Variants in SORCS2 observed in about 807,000 individuals in gnomAD.
SORCS2 encodes the protein VPS10 domain-containing receptor SorCS2.
A neutral mutation model predicts 141.6 loss-of-function variants in SORCS2; 100 were observed. That is an observed-to-expected ratio of 0.71 (90% confidence interval 0.60 to 0.83). SORCS2 has a LOEUF of 0.83. SORCS2 is among the 40% of genes least tolerant of loss of function. The pLI, the probability that SORCS2 is intolerant of heterozygous loss-of-function variation, is 0.00. For synonymous variants in SORCS2, 789 were observed against 676.9 expected, an observed-to-expected ratio of 1.17 and a Z score of -2.57; for missense variants, 1,646 against 1,560.2, an observed-to-expected ratio of 1.05 and a Z score of -0.93.
intron 3 of SORCS2, among the ~76,000 whole-genome samples, chr4:7,610,586 G>A (rs1488415776): frequency 6.6e-6 from 1 of 152,218 alleles, no homozygotes; most frequent in Non-Finnish European, 1.5e-5. Context: ...CCTGGGGTGG[G>A]GCTTGGGGGG....
chr4:7,490,945 C>T (rs1215306494), intron 2 of SORCS2, among the ~76,000 whole-genome samples: 1 of 152,174 alleles, frequency 6.6e-6, no homozygotes, highest in African/African-American at 2.4e-5. Flanking sequence ...GCAAAGGCTC[C>T]ACAAAGGCTG....
intron 2 of SORCS2, among the ~76,000 whole-genome samples, chr4:7,398,428 G>A (rs1049723723): frequency 6.6e-6 from 1 of 152,214 alleles, no homozygotes; most frequent in Non-Finnish European, 1.5e-5. Flanking sequence ...AGAACAGTAC[G>A]TGATCTAAAT....
At chr4:7,590,520 G>C (rs1290530613) in intron 3 of SORCS2, among the ~76,000 whole-genome samples, 2 of 152,216 alleles carry the variant, frequency 1.3e-5, no homozygotes, top group Non-Finnish European at 2.9e-5. Context: ...AGCCGGGCTG[G>C]GACGTTGGGT....
At chr4:7,722,922 G>T (rs958347000) in intron 18 of SORCS2, among the ~76,000 whole-genome samples, 14 of 152,146 alleles carry the variant, frequency 9.2e-5, no homozygotes, top group Admixed American at 4.6e-4. Context: ...GTTTCCTCGT[G>T]CCCCTGGTGC....
chr4:7,491,775 A>C (rs1731329489), intron 2 of SORCS2, among the ~76,000 whole-genome samples: 1 of 151,858 alleles, frequency 6.6e-6, no homozygotes, highest in Non-Finnish European at 1.5e-5. Context: ...CTTGATCCCC[A>C]TTTGTTGGGT....
chr4:7,612,952 G>A (rs1289157556), intron 3 of SORCS2, among the ~76,000 whole-genome samples: 1 of 118,636 alleles, frequency 8.4e-6, no homozygotes, highest in Non-Finnish European at 1.9e-5. Flanking sequence ...GCCGGGCAAG[G>A]GCCAAGGCCA....
chr4:7,620,691 G>A (rs1241872133), intron 3 of SORCS2, among the ~76,000 whole-genome samples: 1 of 152,260 alleles, frequency 6.6e-6, no homozygotes, highest in Non-Finnish European at 1.5e-5. Context: ...GGTTTGTGCA[G>A]CTCCCCATAG....
intron 3 of SORCS2, among the ~76,000 whole-genome samples, chr4:7,584,595 T>C (rs1716406628): frequency 6.6e-6 from 1 of 152,196 alleles, no homozygotes; most frequent in South Asian, 2.1e-4. Context: ...GTCTCTCTAC[T>C]ACTCTCACTC....
chr4:7,736,084 C>T (rs1419387424), intron 25 of SORCS2, among the ~76,000 whole-genome samples: 6 of 152,388 alleles, frequency 3.9e-5, no homozygotes, highest in Middle Eastern at 3.4e-3. Flanking sequence ...GAGCAACGCC[C>T]GTTTGTCCCC....
At chr4:7,209,075 A>C (rs4234795) in intron 1 of SORCS2, among the ~76,000 whole-genome samples, 1 of 152,178 alleles carries the variant, frequency 6.6e-6, no homozygotes, top group Admixed American at 6.5e-5. Flanking sequence ...TGCAAGCTGC[A>C]GACCTCGTGA....
intron 2 of SORCS2, among the ~76,000 whole-genome samples, chr4:7,466,005 G>T (rs1176406637): frequency 6.6e-6 from 1 of 152,182 alleles, no homozygotes; most frequent in African/African-American, 2.4e-5. Flanking sequence ...CAGGTTGATA[G>T]AAATTTTTTA....
At chr4:7,483,469 C>G (rs1228324986) in intron 2 of SORCS2, among the ~76,000 whole-genome samples, 2 of 152,106 alleles carry the variant, frequency 1.3e-5, no homozygotes, top group African/African-American at 4.8e-5. Context: ...CAGACTCTGT[C>G]CTGGAGCCTT....
chr4:7,423,278 ATTG>A (rs1464899942), intron 2 of SORCS2, among the ~76,000 whole-genome samples: 2 of 152,156 alleles, frequency 1.3e-5, no homozygotes, highest in East Asian at 1.9e-4. Flanking sequence ...GAACATTATA[ATTG>A]TTATTATTTC....
At chr4:7,714,779 T>C (rs1371265938) in intron 16 of SORCS2, among the ~76,000 whole-genome samples, 1 of 152,142 alleles carries the variant, frequency 6.6e-6, no homozygotes, top group Non-Finnish European at 1.5e-5. Context: ...CACAGGACAA[T>C]TTGGCTAACA....
In SORCS2 at chr4:7,741,564, G is replaced by C. The variant is rs569906922; in HGVS notation, c.*1300G>C. On this transcript the variant is annotated 3_prime_UTR_variant, in exon 27 of 27. Coordinates refer to ENST00000507866, the MANE Select transcript of SORCS2 (RefSeq NM_020777.3). ...GATGACCGTGGCCTCCCTCTCAGAG[G>C]GGGAGAACGCCAGAGCCCTGGCTGG... 50 of 276,042 alleles carry C rather than the reference G, an allele frequency of 1.8e-4. No individual in the cohort carries two copies. Among genetic ancestry groups the C allele is most frequent in the Admixed American group, 4.8e-4 (9 of 18,752 alleles). 17.1% of individuals were successfully genotyped at this position (276,042 alleles called of 1,614,324 possible). A position where few individuals can be genotyped will look rare whatever the true frequency, so the allele number is the denominator to read the frequency against.
intron 2 of SORCS2, among the ~76,000 whole-genome samples, chr4:7,474,393 G>A (rs994075609): frequency 2.0e-5 from 3 of 152,184 alleles, no homozygotes; most frequent in Non-Finnish European, 4.4e-5. Context: ...TCCCTTCAAT[G>A]TCAGGGAGCT....
chr4:7,213,635 G>A (rs1428482915), intron 1 of SORCS2, among the ~76,000 whole-genome samples: 1 of 152,178 alleles, frequency 6.6e-6, no homozygotes, highest in Non-Finnish European at 1.5e-5. Flanking sequence ...CAAGGACCTC[G>A]GGAGCCTCGC....
At chr4:7,427,722 G>A (rs1391157655) in intron 2 of SORCS2, among the ~76,000 whole-genome samples, 1 of 152,096 alleles carries the variant, frequency 6.6e-6, no homozygotes, top group Non-Finnish European at 1.5e-5. Context: ...GTCACATGGA[G>A]GCAGGGGGCA....
chr4:7,477,743 G>C (rs1017658199), intron 2 of SORCS2, among the ~76,000 whole-genome samples: 1 of 152,182 alleles, frequency 6.6e-6, no homozygotes. Context: ...TGAAGCCGGA[G>C]AGAAAATGTG....
Sources: gnomAD v4.1 joint callset for allele counts (sites outside exome capture counted in the v4.1 genomes callset) on GRCh38, gnomAD v4.1.1 for gene constraint, MANE v1.5 for transcripts, NCBI Gene and HGNC (gene_info 2026-07-23, HGNC 2026-07-21) for gene names.